Variants in NAV3 observed in about 807,000 individuals in gnomAD.
NAV3 encodes the protein pore membrane and/or filament interacting like protein 1.
A neutral mutation model predicts 244.7 loss-of-function variants in NAV3; 87 were observed. The observed-to-expected ratio is 0.36, with a 90% CI of 0.30 to 0.42. The LOEUF is 0.42. Ranked by LOEUF, NAV3 falls within the 20% of genes least tolerant of loss-of-function variation. The probability of loss-of-function intolerance (pLI) is 1.00; values close to 1 mark genes in which losing one functional copy is unlikely to be tolerated. For synonymous variants in NAV3, 1,126 were observed against 1,042.2 expected (o/e 1.08, Z -1.55); for missense variants, 2,663 against 2,893.3 (o/e 0.92, Z 1.83).
chr12:78,183,841 C>T (rs1958598686), intron 30 of NAV3, among the ~76,000 whole-genome samples: 1 of 151,884 alleles, frequency 6.6e-6, no homozygotes, highest in Non-Finnish European at 1.5e-5. Context: ...CCATCCACAT[C>T]ATTTCATACT....
chr12:78,199,619 C>G, intron 37 of NAV3, 88 bp downstream of exon 37: 2 of 958,136 alleles, frequency 2.1e-6, no homozygotes. Context: ...AAATAACAAG[C>G]AAAGCTAATG....
chr12:78,040,812 C>T (rs2097322859), intron 9 of NAV3, among the ~76,000 whole-genome samples: 1 of 152,248 alleles, frequency 6.6e-6, no homozygotes, highest in Non-Finnish European at 1.5e-5. Context: ...TGTATGAAAT[C>T]TTTCATATTG....
intron 23 of NAV3, among the ~76,000 whole-genome samples, chr12:78,160,771 A>G (rs889017672): frequency 1.3e-5 from 2 of 151,818 alleles, no homozygotes; most frequent in East Asian, 3.9e-4. Context: ...GTGAGAGAGA[A>G]TATTATCCAT....
At position 78,199,423 on chromosome 12, in the gene NAV3, A is replaced by G. The variant is rs752343395; in HGVS notation, c.6607A>G (p.Arg2203Gly). ...RRKLIEIEIE[R>G]NIRNNDLVKI... ...AAAACTCATAGAGATAGAAATTGAAAGGAACATTCGCAATAATGACCTAGT... is the reference window on the plus strand; with the variant it reads ...AAAACTCATAGAGATAGAAATTGAAGGGAACATTCGCAATAATGACCTAGT... The change falls in exon 37 of 40, where the codon AGG (arginine) becomes GGG (glycine). Residue 2203 changes from arginine (R) to glycine (G), a missense_variant. By Grantham distance (125) the Arg-to-Gly change is moderately radical. Transcript: ENST00000397909. 2.5e-6 allele frequency: 4 copies of G among 1,611,202 alleles called. No individual in the cohort carries two copies. The African/African-American group carries it at 5.4e-5, about 22-fold the overall frequency.
intron 2 of NAV3, among the ~76,000 whole-genome samples, chr12:77,598,501 G>T (rs77792425): frequency 0.16 from 24,954 of 151,918 alleles, 2,568 homozygotes; most frequent in Admixed American, 0.23. Context: ...GCTTTTTGTA[G>T]TAGGGTCTGA....
chr12:77,946,573 A>G (rs1890370998), intron 3 of NAV3, among the ~76,000 whole-genome samples: 1 of 152,142 alleles, frequency 6.6e-6, no homozygotes, highest in Non-Finnish European at 1.5e-5. Flanking sequence ...AACCTTATCC[A>G]AAGATGAAGT....
intron 2 of NAV3, among the ~76,000 whole-genome samples, chr12:77,713,739 G>A (rs797431): frequency 0.81 from 123,778 of 152,010 alleles, 52,928 homozygotes; most frequent in East Asian, 1. Flanking sequence ...AAATGTACCA[G>A]CAAGAACTGA....
At chr12:77,984,855 C>T (rs1343112960) in intron 5 of NAV3, among the ~76,000 whole-genome samples, 1 of 151,642 alleles carries the variant, frequency 6.6e-6, no homozygotes, top group African/African-American at 2.4e-5. Context: ...CTCGCTCTGT[C>T]ACCCATGCTG....
intron 2 of NAV3, among the ~76,000 whole-genome samples, chr12:77,743,783 G>C (rs181753969): frequency 1.3e-5 from 2 of 151,738 alleles, no homozygotes; most frequent in Admixed American, 1.3e-4. Context: ...AATAAGAATA[G>C]GATGCAATAA....
At chr12:77,908,459 C>T (rs1677902) in intron 1 of NAV3, among the ~76,000 whole-genome samples, 16,736 of 151,864 alleles carry the variant, frequency 0.11, 1,051 homozygotes, top group South Asian at 0.2. Context: ...CATAAATGTG[C>T]TTTCTAGAAG....
chr12:77,817,540 C>CT (rs540908529), intron 2 of NAV3, among the ~76,000 whole-genome samples: 22 of 146,748 alleles, frequency 1.5e-4, no homozygotes, highest in South Asian at 6.9e-4. Flanking sequence ...CCAAACTATG[C>CT]TTTTTTTTTT....
chr12:78,142,947 A>G (rs1956693831), intron 20 of NAV3, among the ~76,000 whole-genome samples: 1 of 152,076 alleles, frequency 6.6e-6, no homozygotes, highest in Non-Finnish European at 1.5e-5. Flanking sequence ...GGAACTACTT[A>G]AGAGAAAAAT....
At chr12:77,763,474 C>T (rs1366851898) in intron 2 of NAV3, among the ~76,000 whole-genome samples, 1 of 152,130 alleles carries the variant, frequency 6.6e-6, no homozygotes, top group Non-Finnish European at 1.5e-5. Context: ...AGACCAGCAT[C>T]ATCATCATTG....
chr12:77,827,986 C>T (rs11106878), upstream of NAV3, among the ~76,000 whole-genome samples: 23,177 of 152,056 alleles, frequency 0.15, 4,062 homozygotes, highest in African/African-American at 0.43. Flanking sequence ...AGAATCAATT[C>T]GCTTAAATAT....
chr12:77,737,132 TAA>T (rs63574061), intron 2 of NAV3, among the ~76,000 whole-genome samples: 2 of 147,998 alleles, frequency 1.4e-5, no homozygotes, highest in Non-Finnish European at 1.5e-5. Flanking sequence ...GGGAAACATT[TAA>T]AAAAAAAATC....
intron 24 of NAV3, among the ~76,000 whole-genome samples, chr12:78,173,664 A>G (rs1958098793): frequency 6.6e-6 from 1 of 151,506 alleles, no homozygotes; most frequent in South Asian, 2.1e-4. Context: ...GAAGTTGGTA[A>G]TGTTTTGGCA....
At chr12:77,619,606 G>C (rs1871281671) in intron 2 of NAV3, among the ~76,000 whole-genome samples, 1 of 152,196 alleles carries the variant, frequency 6.6e-6, no homozygotes, top group Admixed American at 6.5e-5. Flanking sequence ...CTGTCAGTCT[G>C]ATTCACACAT....
intron 2 of NAV3, among the ~76,000 whole-genome samples, chr12:77,576,912 G>C (rs934375047): frequency 6.6e-6 from 1 of 151,998 alleles, no homozygotes; most frequent in East Asian, 1.9e-4. Flanking sequence ...GAGCATGAGG[G>C]ATGATGAGGT....
At chr12:78,149,205 C>G (rs1377910977) in intron 22 of NAV3, among the ~76,000 whole-genome samples, 1 of 152,102 alleles carries the variant, frequency 6.6e-6, no homozygotes, top group Non-Finnish European at 1.5e-5. Context: ...ATTTTTATTA[C>G]TCCTCTTGCA....
Sources: gnomAD v4.1 joint callset for allele counts (sites outside exome capture counted in the v4.1 genomes callset) on GRCh38, gnomAD v4.1.1 for gene constraint, MANE v1.5 for transcripts, NCBI Gene and HGNC (gene_info 2026-07-23, HGNC 2026-07-21) for gene names.